The following DDB2 variants were observed in gnomAD, a reference collection of about 807,000 sequenced individuals.
DDB2 encodes the protein damage specific DNA binding protein 2, also known as DNA damage-binding protein 2.
Under a neutral mutation model 50.5 loss-of-function variants are expected in DDB2, and 27 were observed. The observed-to-expected ratio is 0.53, with a 90% CI of 0.39 to 0.74. The LOEUF is 0.74. Ranked by LOEUF, DDB2 falls within the 30% of genes least tolerant of loss-of-function variation. The pLI is 0.00. For synonymous variants in DDB2, 176 were observed against 205.5 expected (o/e 0.86, Z 1.23); for missense variants, 424 against 545.6 (o/e 0.78, Z 2.22).
Position 47,216,994 on chromosome 11 carries a change from G to C in DDB2, c.401G>C (p.Gly134Ala). ...PSTVAVGSKG[G>A]DIMLWNFGIK... is the part of the protein sequence containing the mutation. ...ACCGTGGCTGTGGGTTCCAAAGGGG[G>C]AGATATCATGCTCTGGAATTTTGGC... The change falls in exon 3 of 10, where the codon GGA becomes GCA. Residue 134 changes from glycine to alanine, a missense_variant. Transcript: ENST00000256996. 1 of 1,614,122 alleles carries C rather than the reference G, an allele frequency of 6.2e-7. No individual in the cohort carries two copies. The highest frequency in any genetic ancestry group is 8.5e-7 in the Non-Finnish European group (1 of 1,180,026).
intron 3 of DDB2, chr11:47,229,812 G>A (rs1327631830): frequency 7.6e-6 from 3 of 396,842 alleles, no homozygotes; most frequent in Non-Finnish European, 1.4e-5. Context: ...TAATTTGATG[G>A]CTCTTCTTTT....
chr11:47,216,262 CTTCCTTTCGGGGAA>C, intron 1 of DDB2, 60 bp from the exon 2 acceptor site: 1 of 1,607,050 alleles, frequency 6.2e-7, no homozygotes, highest in South Asian at 1.1e-5. Context: ...TGAAACAAGG[CTTCCTTTCGGGGAA>C]TTCAGCAGAA....
intron 3 of DDB2, among the ~76,000 whole-genome samples, chr11:47,218,946 AAAAGTGTTTTTTTTTTG>A (rs1953441932): frequency 6.6e-6 from 1 of 152,080 alleles, no homozygotes; most frequent in African/African-American, 2.4e-5. Flanking sequence ...TTAACCATTT[AAAAGTGTTTTTTTTTTG>A]AGGCGGACTC....
intron 3 of DDB2, among the ~76,000 whole-genome samples, chr11:47,221,400 A>T (rs1953482927): frequency 6.6e-6 from 1 of 151,450 alleles, no homozygotes; most frequent in South Asian, 2.1e-4. Context: ...CAGCCTCCCG[A>T]GTAGCTGGGA....
chr11:47,238,823 CAGG>C lies in DDB2; in HGVS notation c.1263_1265del (p.Glu422del). 6.2e-7 allele frequency: 1 copy of C among 1,613,674 alleles called. No individual in the cohort carries two copies. Among genetic ancestry groups the C allele is most frequent in the African/African-American group, 1.3e-5 (1 of 74,938 alleles). ...AGGTTACCACATTCTCATCTGGAGCCAGGAGGAAGCCAGGACACGGAAGTGAGA... is the reference window on the plus strand; with the variant it reads ...AGGTTACCACATTCTCATCTGGAGCCAGGAAGCCAGGACACGGAAGTGAGA... On this transcript the variant is annotated inframe_deletion, in exon 10 of 10. Coordinates refer to ENST00000256996, the MANE Select transcript of DDB2 (RefSeq NM_000107.3).
intron 3 of DDB2, chr11:47,229,686 T>G (rs564757948): frequency 1.7e-5 from 5 of 302,568 alleles, no homozygotes; most frequent in South Asian, 1.4e-4. Context: ...TTGAAGACAT[T>G]GATACAAATT....
rs763232817 is a variant in DDB2 at position 47,215,311 on chromosome 11, C to T, written c.127+48C>T. ...GAATATTTCCGCCTTTTAGGGTGCT[C>T]GCGCAGGAGGCTGCAGCGGGGGATG... On this transcript the variant is annotated intron_variant, in intron 1 of 9. Coordinates refer to ENST00000256996, the MANE Select transcript of DDB2 (RefSeq NM_000107.3). 7 of 1,612,192 alleles carry T rather than the reference C, an allele frequency of 4.3e-6. No individual in the cohort carries two copies. The East Asian group carries it at 1.6e-4, about 36-fold the overall frequency.
intron 3 of DDB2, among the ~76,000 whole-genome samples, chr11:47,231,811 G>T (rs2135507668): frequency 6.6e-6 from 1 of 152,180 alleles, no homozygotes; most frequent in South Asian, 2.1e-4. Flanking sequence ...TCGGTCTATA[G>T]GACATTCTAT....
In DDB2 at chr11:47,234,683, C is replaced by T. The variant is rs762129958; in HGVS notation, c.702+11C>T. 29 of 1,613,820 alleles carry T rather than the reference C, an allele frequency of 1.8e-5. No individual in the cohort carries two copies. Among genetic ancestry groups the T allele is most frequent in the East Asian group, 2.2e-5 (1 of 44,886 alleles). On this transcript the variant is annotated intron_variant, in intron 5 of 9. Coordinates refer to ENST00000256996, the MANE Select transcript of DDB2 (RefSeq NM_000107.3). ...ATGGACGGCAAAGAGGTGCGTTCTC[C>T]GAGGTCCTGCCTTTCCCTCCCTCAC...
chr11:47,222,156 C>A (rs965847789), intron 3 of DDB2, among the ~76,000 whole-genome samples: 2 of 152,096 alleles, frequency 1.3e-5, no homozygotes, highest in African/African-American at 4.8e-5. Flanking sequence ...GTAATCCACC[C>A]CTCTCTACCC....
chr11:47,218,206 G>T (rs1373626968), intron 3 of DDB2, among the ~76,000 whole-genome samples: 1 of 152,160 alleles, frequency 6.6e-6, no homozygotes, highest in African/African-American at 2.4e-5. Context: ...GTGTTGATGG[G>T]TGTCTGAGAT....
Position 47,216,453 on chromosome 11 carries a change from C to G in DDB2, c.245C>G (p.Ser82Cys), listed in dbSNP as rs1953402152. The G allele has an allele frequency of 2.5e-6, 4 of 1,613,524 alleles. No homozygotes were observed. The highest frequency in any genetic ancestry group is 1.3e-5 in the African/African-American group (1 of 74,902). Residue 82 changes from serine (S) to cysteine (C), a missense_variant, in exon 2 of 10, where the codon TCC becomes TGC. Ser to Cys is a moderately radical substitution (Grantham distance 112). Transcript: ENST00000256996. ...CACCAGCATAAGCTGGGCAGAGCTT[C>G]CTGGCCATCTGTCCAGCAGGTAAGG... ...TLHQHKLGRA[S>C]WPSVQQGLQQ...
rs1953379824 is a variant in DDB2, at chr11:47,215,035, C to T, written c.-102C>T. ...TGGCTTAGCTCGGCTACCTGTGGCCCCGCAGTTTTGTAGTCCCCGCCTTGT... is the reference window on the plus strand; with the variant it reads ...TGGCTTAGCTCGGCTACCTGTGGCCTCGCAGTTTTGTAGTCCCCGCCTTGT... On this transcript the variant is annotated 5_prime_UTR_variant, in exon 1 of 10. Transcript: ENST00000256996. 1.3e-6 allele frequency: 2 copies of T among 1,574,432 alleles called. No homozygotes were observed. Among genetic ancestry groups the T allele is most frequent in the Non-Finnish European group, 8.7e-7 (1 of 1,147,034 alleles).
chr11:47,215,856 A>G, intron 1 of DDB2: 2 of 270,754 alleles, frequency 7.4e-6, no homozygotes, highest in Admixed American at 1.0e-4. Context: ...TGCTATTCTA[A>G]TTTCACTTAC....
At chr11:47,226,734 CT>C (rs542832519) in intron 3 of DDB2, among the ~76,000 whole-genome samples, 248 of 124,398 alleles carry the variant, frequency 2.0e-3, no homozygotes, top group African/African-American at 5.9e-3. Context: ...AGTCCTTTGC[CT>C]TTTTTTTTTT....
intron 3 of DDB2, among the ~76,000 whole-genome samples, chr11:47,230,886 C>T (rs1326535918): frequency 6.6e-6 from 1 of 152,042 alleles, no homozygotes; most frequent in Non-Finnish European, 1.5e-5. Context: ...TTTGGGAAGC[C>T]GAGGCAGGCC....
intron 3 of DDB2, among the ~76,000 whole-genome samples, chr11:47,228,107 T>G (rs940599637): frequency 7.7e-6 from 1 of 129,986 alleles, no homozygotes; most frequent in Non-Finnish European, 1.5e-5. Flanking sequence ...ACCACTGCAC[T>G]CCAGCCTGGC....
rs776380322 is a variant in DDB2 at position 47,216,947 on chromosome 11, G to C, written c.354G>C (p.Ala118=). The change falls in exon 3 of 10, where the codon GCG becomes GCC. Residue 118 remains alanine (A), a synonymous_variant. Coordinates refer to ENST00000256996, the MANE Select transcript of DDB2 (RefSeq NM_000107.3). ...APFDRRATSL[A]WHPTHPSTVA... ...TTGACAGGAGGGCTACATCCTTGGC[G>C]TGGCACCCAACTCACCCCAGCACCG... 1 of 1,613,904 alleles carries C rather than the reference G, an allele frequency of 6.2e-7. No individual in the cohort carries two copies. The highest frequency in any genetic ancestry group is 8.5e-7 in the Non-Finnish European group (1 of 1,179,964).
chr11:47,235,194 G>A, intron 6 of DDB2, 76 bp from the exon 7 acceptor site: 3 of 1,592,850 alleles, frequency 1.9e-6, no homozygotes, highest in Middle Eastern at 1.7e-4. Context: ...GAGTACCCCT[G>A]CAGGAGAAGG....
Sources: gnomAD v4.1 joint callset for allele counts (sites outside exome capture counted in the v4.1 genomes callset) on GRCh38, gnomAD v4.1.1 for gene constraint, MANE v1.5 for transcripts, NCBI Gene and HGNC (gene_info 2026-07-23, HGNC 2026-07-21) for gene names.